SFI1: variants seen among roughly 807,000 people sequenced by gnomAD.
SFI1 encodes protein SFI1 homolog.
A neutral mutation model predicts 207.5 loss-of-function variants in SFI1; 195 were observed. The observed-to-expected ratio is 0.94, with a 90% confidence interval of 0.84 to 1.06. SFI1 has a LOEUF of 1.06. Ranked by LOEUF, SFI1 falls within the 50% of genes least tolerant of loss-of-function variation. The pLI is 0.00. For missense variants in SFI1, 1,634 were observed against 1,588.0 expected (o/e 1.03, Z -0.49); for synonymous variants, 630 against 598.9 (o/e 1.05, Z -0.76).
intron 4 of SFI1, among the ~76,000 whole-genome samples, chr22:31,541,064 T>C (rs768948723): frequency 2.0e-5 from 3 of 152,102 alleles, no homozygotes; most frequent in Non-Finnish European, 2.9e-5. Flanking sequence ...GAGTGAATAA[T>C]GGGATCCAGG....
chr22:31,556,852 T>C (rs1602648349), intron 6 of SFI1, 90 bp from the exon 7 acceptor site: 1 of 789,756 alleles, frequency 1.3e-6, no homozygotes, highest in East Asian at 2.6e-5. Flanking sequence ...GGGATTTAGG[T>C]ATTCAAAGGA....
At chr22:31,592,938 A>G (rs2066296902) in intron 15 of SFI1, among the ~76,000 whole-genome samples, 1 of 100,254 alleles carries the variant, frequency 1.0e-5, no homozygotes, top group Non-Finnish European at 2.0e-5. Context: ...GCGGCCGGGC[A>G]GAGGCGCCCC....
At chr22:31,529,877 C>G (rs920194277) in intron 3 of SFI1, among the ~76,000 whole-genome samples, 2 of 151,888 alleles carry the variant, frequency 1.3e-5, no homozygotes, top group Non-Finnish European at 2.9e-5. Context: ...CTCTATAAGA[C>G]AAGCCACCTT....
At position 31,611,790 on chromosome 22, in the gene SFI1, C is replaced by T. The variant is rs2070193040; in HGVS notation, c.2440C>T (p.Leu814=). The change falls in exon 24 of 33, where the codon CTG becomes TTG. Residue 814 remains leucine, a synonymous_variant. Transcript: ENST00000400288. ...KRLLHRQSTQ[L]LAQRLSRTCF... Reference sequence around the variant, plus strand: ...GCTCCTGCACAGGCAGAGCACCCAACTGCTGGCACAGAGACTCAGCCGGAC... The same window carrying T: ...GCTCCTGCACAGGCAGAGCACCCAATTGCTGGCACAGAGACTCAGCCGGAC... 6.2e-7 allele frequency: 1 copy of T among 1,613,858 alleles called. No homozygotes were observed. Among genetic ancestry groups the T allele is most frequent in the Non-Finnish European group, 8.5e-7 (1 of 1,179,982 alleles).
chr22:31,508,242 C>G lies in SFI1; in HGVS notation c.-30-13C>G. 7.0e-7 allele frequency: 1 copy of G among 1,426,822 alleles called. No homozygotes were observed. Among genetic ancestry groups the G allele is most frequent in the Non-Finnish European group, 9.9e-7 (1 of 1,010,414 alleles). The allele number at this position is 1,426,822 out of a possible 1,614,324, so 88.4% of individuals were successfully genotyped here. ...AATCATTTTCTCTCTTTTTTATTCT[C>G]TTTTTCTTGTAGTTAGAAGGGGAAG... On this transcript the variant is annotated splice_polypyrimidine_tract_variant and intron_variant, in intron 1 of 32. Transcript: ENST00000400288.
chr22:31,503,199 C>T (rs1217031084), intron 1 of SFI1, among the ~76,000 whole-genome samples: 2 of 151,980 alleles, frequency 1.3e-5, no homozygotes, highest in Non-Finnish European at 2.9e-5. Flanking sequence ...AGGCACAGGT[C>T]TCAGAATCTG....
intron 7 of SFI1, among the ~76,000 whole-genome samples, chr22:31,559,095 C>T (rs1372596049): frequency 6.6e-6 from 1 of 152,064 alleles, no homozygotes; most frequent in Non-Finnish European, 1.5e-5. Context: ...GCATGAGCCA[C>T]CGGGCCCAGC....
chr22:31,523,346 A>G (rs745658952), intron 2 of SFI1, among the ~76,000 whole-genome samples: 10 of 152,248 alleles, frequency 6.6e-5, no homozygotes, highest in Non-Finnish European at 1.3e-4. Flanking sequence ...CCTTCAGTGT[A>G]AATGTATAAA....
intron 8 of SFI1, among the ~76,000 whole-genome samples, chr22:31,564,829 T>TTTTTTTTTTTTTC (rs2062102571): frequency 7.2e-6 from 1 of 138,212 alleles, no homozygotes; most frequent in African/African-American, 2.7e-5. Flanking sequence ...TTTTTTTTTT[T>TTTTTTTTTTTTTC]TTGAGACGGA....
chr22:31,572,475 C>T (rs984848748), intron 8 of SFI1, among the ~76,000 whole-genome samples: 3 of 151,900 alleles, frequency 2.0e-5, no homozygotes, highest in African/African-American at 7.3e-5. Flanking sequence ...ATTATATCAC[C>T]CCTCGGATTG....
chr22:31,613,958 C>G (rs1183145420), intron 27 of SFI1, 103 bp downstream of exon 27: 1 of 1,393,450 alleles, frequency 7.2e-7, no homozygotes, highest in Non-Finnish European at 9.4e-7. Flanking sequence ...ACGGGCTGGT[C>G]ACGGCCTTGT....
chr22:31,510,609 T>C (rs1981484324), intron 2 of SFI1, among the ~76,000 whole-genome samples: 2 of 151,974 alleles, frequency 1.3e-5, no homozygotes, highest in African/African-American at 4.8e-5. Flanking sequence ...AATTTTTGTA[T>C]TTTTATTAGA....
At chr22:31,564,756 C>T (rs1012616731) in intron 8 of SFI1, among the ~76,000 whole-genome samples, 4 of 151,618 alleles carry the variant, frequency 2.6e-5, no homozygotes, top group African/African-American at 4.8e-5. Context: ...GTGATCCACC[C>T]GCCTCGGCCT....
At chr22:31,578,332 G>A (rs1314198321) in intron 10 of SFI1, 50 bp from the exon 11 acceptor site, 1 of 1,587,330 alleles carries the variant, frequency 6.3e-7, no homozygotes, top group East Asian at 2.2e-5. Context: ...AGAATGCACT[G>A]TGTAGGGGTC....
chr22:31,498,077 G>A (rs531694185), intron 1 of SFI1, among the ~76,000 whole-genome samples: 21 of 152,228 alleles, frequency 1.4e-4, no homozygotes, highest in African/African-American at 4.3e-4. Context: ...GGTGGATCAC[G>A]AGGTCAGGAG....
In SFI1 at chr22:31,608,999, C is replaced by T. The variant is rs191993558; in HGVS notation, c.2254+966C>T. Among the ~76,000 whole-genome samples, 7 of 151,854 alleles carry T rather than the reference C, an allele frequency of 4.6e-5. No homozygotes were observed. In the East Asian group the frequency reaches 1.2e-3, roughly 26 times the overall value. On this transcript the variant is annotated intron_variant, in intron 22 of 32. Transcript: ENST00000400288. The stretch of plus-strand genomic sequence containing the variant: ...CCAGCTTGGGTGACAGAATGAGACC[C>T]AGTCTCTCTCTTTTTTGAGACAGAG...
At position 31,617,079 on chromosome 22, in the gene SFI1, G is replaced by A. The variant is rs757116838; in HGVS notation, c.3512+1G>A. On this transcript the variant is annotated splice_donor_variant, in intron 31 of 32. Coordinates refer to ENST00000400288, the MANE Select transcript of SFI1 (RefSeq NM_001007467.3). LOFTEE classifies it high-confidence loss of function. ...ACCAGACCACCAAGCAGAACCTCTG[G>A]TGAGCCCTGCGAAACGCCCTGCAGC... 6.2e-6 allele frequency: 10 copies of A among 1,613,814 alleles called. No homozygotes were observed. The Admixed American group carries it at 1.5e-4, about 24-fold the overall frequency.
chr22:31,567,570 G>C (rs56404793), intron 8 of SFI1, among the ~76,000 whole-genome samples: 5 of 136,542 alleles, frequency 3.7e-5, no homozygotes, highest in Admixed American at 2.1e-4. Context: ...GTTTGTGGAG[G>C]GGGGGGGTGT....
chr22:31,553,632 C>CA (rs1489885211), intron 6 of SFI1, among the ~76,000 whole-genome samples: 1 of 150,394 alleles, frequency 6.6e-6, no homozygotes, highest in Non-Finnish European at 1.5e-5. Flanking sequence ...CTCGGCCTCC[C>CA]AAAGTGCTGG....
Sources: allele counts gnomAD v4.1 joint callset (sites outside exome capture counted in the v4.1 genomes callset), GRCh38; gene constraint gnomAD v4.1.1; transcripts MANE v1.5; gene names NCBI Gene and HGNC (gene_info 2026-07-23, HGNC 2026-07-21).